The following DACH2 variants were observed in gnomAD, a reference collection of about 807,000 sequenced individuals.
DACH2 encodes dachshund family transcription factor 2.
Under a neutral mutation model 35.8 loss-of-function variants are expected in DACH2, and 17 were observed. The ratio of observed to expected loss-of-function variants is 0.48; its 90% confidence interval spans 0.33 to 0.71. DACH2 has a LOEUF of 0.71. DACH2 is among the 30% of genes least tolerant of loss of function. The pLI is 0.02. For missense variants in DACH2, 469 were observed against 472.7 expected (o/e 0.99, Z 0.07); for synonymous variants, 195 against 177.3 (o/e 1.10, Z -0.79).
At chrX:86,496,470 G>A (rs1183440713) in intron 2 of DACH2, among the ~76,000 whole-genome samples, 3 of 110,475 alleles carry the variant, frequency 2.7e-5, no homozygotes, top group Admixed American at 1.9e-4. Flanking sequence ...TTTCAGTAAC[G>A]GGGAGGGGAA....
chrX:86,701,078 A>C (rs1041815876), intron 5 of DACH2, among the ~76,000 whole-genome samples: 1 of 111,680 alleles, frequency 9.0e-6, no homozygotes, highest in Admixed American at 9.6e-5. Context: ...AGTTCAGGAC[A>C]ATATCCTTGA....
intron 2 of DACH2, among the ~76,000 whole-genome samples, chrX:86,391,875 T>A (rs976608066): frequency 5.4e-5 from 6 of 111,677 alleles, no homozygotes; most frequent in African/African-American, 9.7e-5. Context: ...AGTTGTTTAA[T>A]TCTGAATCTT....
chrX:86,779,346 C>T (rs1166069273), intron 7 of DACH2, among the ~76,000 whole-genome samples: 2 of 111,101 alleles, frequency 1.8e-5, no homozygotes, highest in East Asian at 5.7e-4. Context: ...ATATAAATAC[C>T]TTGATTGAGT....
At chrX:86,196,692 CAAAAAAAAAAAA>C (rs56268300) in intron 1 of DACH2, among the ~76,000 whole-genome samples, 5 of 27,370 alleles carry the variant, frequency 1.8e-4, no homozygotes, top group Non-Finnish European at 2.8e-4. Context: ...GACTCCATCT[CAAAAAAAAAAAA>C]AAAAAAAAAA....
intron 6 of DACH2, among the ~76,000 whole-genome samples, chrX:86,717,511 A>G (rs1408718999): frequency 9.1e-6 from 1 of 109,779 alleles, no homozygotes; most frequent in Non-Finnish European, 1.9e-5. Context: ...GAACTTGATA[A>G]TGAGTTAGTC....
intron 3 of DACH2, among the ~76,000 whole-genome samples, chrX:86,576,617 A>T (rs1462168712): frequency 9.0e-6 from 1 of 111,023 alleles, no homozygotes; most frequent in Non-Finnish European, 1.9e-5. Flanking sequence ...TAAACCAAAT[A>T]CTAGATACCA....
intron 2 of DACH2, chrX:86,481,445 ATCT>A (rs2037933894): frequency 8.9e-6 from 1 of 111,924 alleles, no homozygotes; most frequent in Non-Finnish European, 1.9e-5. Context: ...TAAAAATTCC[ATCT>A]TCTCCGTAAG....
intron 2 of DACH2, among the ~76,000 whole-genome samples, chrX:86,427,340 G>A (rs1292542453): frequency 1.8e-5 from 2 of 111,253 alleles, no homozygotes; most frequent in East Asian, 5.6e-4. Flanking sequence ...AAGAATTTGA[G>A]GATCTGATGA....
chrX:86,795,377 G>T (rs1370032355), intron 7 of DACH2, among the ~76,000 whole-genome samples: 1 of 109,779 alleles, frequency 9.1e-6, no homozygotes, highest in East Asian at 2.9e-4. Context: ...GGGACTACAG[G>T]CACGTGCCAC....
Position 86,369,679 on chromosome X carries a change from T to C in DACH2, c.489-7145T>C, listed in dbSNP as rs187492643. 3.2e-3 allele frequency among the ~76,000 whole-genome samples: 353 copies of C among 111,898 alleles called. 1 individual carries two copies. The highest frequency in any genetic ancestry group is 0.011 in the African/African-American group (337 of 30,942). ...TGCCAAATGTTAGAAAAAGTTAAGGTATAATTCAAATAAATGTTATAGCAT... is the reference window on the plus strand; with the variant it reads ...TGCCAAATGTTAGAAAAAGTTAAGGCATAATTCAAATAAATGTTATAGCAT... On this transcript the variant is annotated intron_variant, in intron 1 of 11. Coordinates refer to ENST00000373125, the MANE Select transcript of DACH2 (RefSeq NM_053281.3).
At position 86,495,937 on chromosome X, in the gene DACH2, A is replaced by T. The variant is rs757020397; in HGVS notation, c.528-18342A>T. 7.2e-5 allele frequency among the ~76,000 whole-genome samples: 8 copies of T among 111,806 alleles called. No homozygotes were observed. In the South Asian group the frequency reaches 3.0e-3, roughly 42 times the overall value. On this transcript the variant is annotated intron_variant, in intron 2 of 11. Transcript: ENST00000373125. ...CTAAGATGTTACAATAGGTACAATA[A>T]TATACCGAAGATGTAGGTACTATTA...
chrX:86,733,961 G>A (rs1032203127), intron 6 of DACH2, among the ~76,000 whole-genome samples: 6 of 86,058 alleles, frequency 7.0e-5, no homozygotes, highest in East Asian at 4.2e-4. Context: ...AGCATGAGAC[G>A]AAGATACATT....
intron 3 of DACH2, among the ~76,000 whole-genome samples, chrX:86,604,198 T>G (rs749391418): frequency 9.0e-6 from 1 of 111,515 alleles, no homozygotes; most frequent in African/African-American, 3.2e-5. Context: ...GATGTTATGT[T>G]TACTTGTTCT....
At chrX:86,424,312 A>T (rs184978503) in intron 2 of DACH2, among the ~76,000 whole-genome samples, 3 of 111,308 alleles carry the variant, frequency 2.7e-5, no homozygotes, top group Non-Finnish European at 5.7e-5. Context: ...CTTCCAATCC[A>T]TGAAAATGAA....
chrX:86,715,149 T>C (rs2041321668), intron 6 of DACH2, among the ~76,000 whole-genome samples: 1 of 111,484 alleles, frequency 9.0e-6, no homozygotes, highest in South Asian at 3.7e-4. Context: ...ATTTGCAACT[T>C]AGCTGAATGA....
chrX:86,327,378 G>A (rs1288999260), intron 1 of DACH2, among the ~76,000 whole-genome samples: 1 of 111,578 alleles, frequency 9.0e-6, no homozygotes, highest in Non-Finnish European at 1.9e-5. Context: ...ATCATTCTCA[G>A]GCCAGTCTTT....
At chrX:86,595,144 A>T (rs2039696284) in intron 3 of DACH2, among the ~76,000 whole-genome samples, 1 of 111,014 alleles carries the variant, frequency 9.0e-6, no homozygotes, top group Non-Finnish European at 1.9e-5. Flanking sequence ...TAGAGTCAGG[A>T]TCTCACTCTG....
At chrX:86,389,408 G>A (rs967752796) in intron 2 of DACH2, among the ~76,000 whole-genome samples, 1 of 112,288 alleles carries the variant, frequency 8.9e-6, no homozygotes, top group Non-Finnish European at 1.9e-5. Context: ...CTAAATTCCA[G>A]CAACTGCAAA....
chrX:86,157,337 T>C (rs929705347), intron 1 of DACH2, among the ~76,000 whole-genome samples: 7 of 111,838 alleles, frequency 6.3e-5, no homozygotes, highest in African/African-American at 2.3e-4. Flanking sequence ...GCATTTGGGC[T>C]ACATTTAGTC....
Sources: gnomAD v4.1 joint callset for allele counts (sites outside exome capture counted in the v4.1 genomes callset) on GRCh38, gnomAD v4.1.1 for gene constraint, MANE v1.5 for transcripts, NCBI Gene and HGNC (gene_info 2026-07-23, HGNC 2026-07-21) for gene names.